Variants in SRRT observed in about 807,000 individuals in gnomAD.
The protein encoded by SRRT is serrate RNA effector molecule homolog.
Under a neutral mutation model 103.2 loss-of-function variants are expected in SRRT, and 32 were observed. The observed-to-expected ratio is 0.31, with a 90% CI of 0.23 to 0.42. SRRT has a LOEUF of 0.42. Ranked by LOEUF, SRRT falls within the 10% of genes least tolerant of loss-of-function variation. The pLI, the probability that SRRT is intolerant of heterozygous loss-of-function variation, is 1.00. For synonymous variants in SRRT, 525 were observed against 449.0 expected (o/e 1.17, Z -2.14); for missense variants, 986 against 1,207.5 (o/e 0.82, Z 2.72).
Position 100,887,683 on chromosome 7 carries a change from CCT to C in SRRT, c.2170-16_2170-15del, listed in dbSNP as rs1790277601. 2.5e-6 allele frequency: 4 copies of C among 1,600,176 alleles called. No homozygotes were observed. Among genetic ancestry groups the C allele is most frequent in the Non-Finnish European group, 3.4e-6 (4 of 1,168,758 alleles). ...CAACCCTTATGTGGCTGTCCTGACC[CCT>C]CTCCTCTCTCCACCCAGGGTCCTGA... On this transcript the variant is annotated intron_variant, in intron 16 of 19. Coordinates refer to ENST00000611405, the MANE Select transcript of SRRT (RefSeq NM_015908.6). The surrounding 1 kb of genome is among the most constrained non-coding windows in gnomAD (Gnocchi z 4.1).
intron 2 of SRRT, among the ~76,000 whole-genome samples, chr7:100,877,338 T>C (rs1815831389): frequency 1.4e-5 from 2 of 147,014 alleles, no homozygotes; most frequent in South Asian, 2.2e-4. Flanking sequence ...GGAGAATTGC[T>C]TGAACCCAGG....
chr7:100,886,480 C>T (rs374038522), intron 13 of SRRT, 45 bp downstream of exon 13: 8 of 1,557,204 alleles, frequency 5.1e-6, no homozygotes, highest in Non-Finnish European at 6.1e-6. Context: ...ACTGGTAGTG[C>T]CTCTGCTGTG....
Position 100,876,020 on chromosome 7 carries a change from G to C in SRRT, c.122+308G>C, listed in dbSNP as rs1274846967. 4 of 315,678 alleles carry C rather than the reference G, an allele frequency of 1.3e-5. No individual in the cohort carries two copies. The East Asian group carries it at 3.0e-4, about 24-fold the overall frequency. The allele number at this position is 315,678 out of a possible 1,614,324, so 19.6% of individuals were successfully genotyped here. A position where few individuals can be genotyped will look rare whatever the true frequency, so the allele number is the denominator to read the frequency against. On this transcript the variant is annotated intron_variant, in intron 2 of 19. Transcript: ENST00000611405. ...TGTTATTGAGATGGGGTCTTGTTCTGCTGCCCTGGCTGGAGTGCATTGATG... is the reference window on the plus strand; with the variant it reads ...TGTTATTGAGATGGGGTCTTGTTCTCCTGCCCTGGCTGGAGTGCATTGATG...
chr7:100,888,269 G>A lies in SRRT; in HGVS notation c.2441G>A (p.Arg814His), dbSNP rs1193069484. 2.5e-6 allele frequency: 4 copies of A among 1,609,158 alleles called. No individual in the cohort carries two copies. Among genetic ancestry groups the A allele is most frequent in the Non-Finnish European group, 3.4e-6 (4 of 1,176,244 alleles). Residue 814 changes from arginine to histidine, a missense_variant, in exon 19 of 20, where the codon CGC becomes CAC. Around this residue, in one of 6 missense-constraint regions of SRRT, gnomAD observed 178 missense variants for 189.6 expected, o/e 0.94. Coordinates refer to ENST00000611405, the MANE Select transcript of SRRT (RefSeq NM_015908.6). ...PILGYGAGAV[R>H]PAVPTGGPPY... ...ATCTCTGTCATAGCTGGTGCTGTCC[G>A]CCCTGCAGTCCCCACAGGAGGCCCT...
rs140220881 is a variant in SRRT, at chr7:100,875,659, C to T, written c.69C>T (p.Tyr23=). 2.5e-6 allele frequency: 4 copies of T among 1,614,016 alleles called. No homozygotes were observed. Among genetic ancestry groups the T allele is most frequent in the Non-Finnish European group, 3.4e-6 (4 of 1,179,994 alleles). Residue 23 remains tyrosine (Y), a synonymous_variant, in exon 2 of 20, where the codon TAC becomes TAT. Coordinates refer to ENST00000611405, the MANE Select transcript of SRRT (RefSeq NM_015908.6). ...AGTTCAGAAGAGAGCGCAGCGACTA[C>T]GACCGTTCCCGCGAGAGAGATGAAA... ...RDKFRRERSD[Y]DRSRERDERR...
In SRRT at chr7:100,885,532, T is replaced by C. The variant is rs1023891090; in HGVS notation, c.1317+162T>C. 55 of 1,071,554 alleles carry C rather than the reference T, an allele frequency of 5.1e-5. No individual in the cohort carries two copies. The Middle Eastern group carries it at 1.8e-3, about 35-fold the overall frequency. 66.4% of individuals were successfully genotyped at this position (1,071,554 alleles called of 1,614,324 possible). A position where few individuals can be genotyped will look rare whatever the true frequency, so the allele number is the denominator to read the frequency against. ...CGAGGACTAGTCCTGATAGCGCCATTGGCTTTCAGGTGCTGGTGTTCTGAA... is the reference window on the plus strand; with the variant it reads ...CGAGGACTAGTCCTGATAGCGCCATCGGCTTTCAGGTGCTGGTGTTCTGAA... On this transcript the variant is annotated intron_variant, in intron 10 of 19. Coordinates refer to ENST00000611405, the MANE Select transcript of SRRT (RefSeq NM_015908.6). The surrounding 1 kb of genome is among the most constrained non-coding windows in gnomAD (Gnocchi z 4.8).
rs562106835 is a variant in SRRT, at chr7:100,877,248, C to G, written c.122+1536C>G. On this transcript the variant is annotated intron_variant, in intron 2 of 19. Coordinates refer to ENST00000611405, the MANE Select transcript of SRRT (RefSeq NM_015908.6). ...CCATCCTGGCCAACATTGTGAAACC[C>G]TGTCTCTACTAAAAATACAAAAGTT... Among the ~76,000 whole-genome samples, 21 of 151,460 alleles carry G rather than the reference C, an allele frequency of 1.4e-4. No individual in the cohort carries two copies. In the East Asian group the frequency reaches 4.0e-3, roughly 29 times the overall value.
intron 1 of SRRT, 78 bp from the exon 2 acceptor site, chr7:100,875,495 G>T: frequency 6.3e-7 from 1 of 1,579,894 alleles, no homozygotes; most frequent in Non-Finnish European, 8.6e-7. Flanking sequence ...AGGGAAGCGG[G>T]CGAGCTGCCC....
rs1320294210 is a variant in SRRT at position 100,888,305 on chromosome 7, A to C, written c.2477A>C (p.His826Pro). The C allele has an allele frequency of 6.2e-7, 1 of 1,613,908 alleles. No individual in the cohort carries two copies. Among genetic ancestry groups the C allele is most frequent in the East Asian group, 2.2e-5 (1 of 44,874 alleles). ...CCCACAGGAGGCCCTCCATACCCCCATGCCCCGTATGGTGCTGGTCGAGGG... is the reference window on the plus strand; with the variant it reads ...CCCACAGGAGGCCCTCCATACCCCCCTGCCCCGTATGGTGCTGGTCGAGGG... ...AVPTGGPPYP[H>P]APYGAGRGNY... Residue 826 changes from histidine (H) to proline (P), a missense_variant, in exon 19 of 20, where the codon CAT becomes CCT. His to Pro is a moderately conservative substitution (Grantham distance 77, BLOSUM62 -2). Around this residue, in one of 6 missense-constraint regions of SRRT, gnomAD observed 178 missense variants for 189.6 expected, o/e 0.94. Transcript: ENST00000611405.
At position 100,886,975 on chromosome 7, in the gene SRRT, G is replaced by C. The variant is rs1790185645; in HGVS notation, c.1821+7G>C. On this transcript the variant is annotated splice_region_variant and intron_variant, in intron 14 of 19. Transcript: ENST00000611405. ...GGATGAGAAGTTGATTAAGGTGCCA[G>C]TGGCAGCGCGGGGCACGTGGGGGCT... 6.2e-7 allele frequency: 1 copy of C among 1,609,744 alleles called. No homozygotes were observed.
intron 1 of SRRT, 58 bp from the exon 2 acceptor site, chr7:100,875,515 G>A: frequency 6.3e-7 from 1 of 1,595,660 alleles, no homozygotes; most frequent in Non-Finnish European, 8.6e-7. Flanking sequence ...CGCGAGGGAC[G>A]GTCCCTTCCT....
chr7:100,876,046 C>T (rs1372609633), intron 2 of SRRT: 2 of 252,656 alleles, frequency 7.9e-6, no homozygotes, highest in African/African-American at 2.2e-5. Context: ...TGCATTGATG[C>T]AGTCGTAGCA....
intron 2 of SRRT, among the ~76,000 whole-genome samples, chr7:100,880,080 C>A (rs1481987038): frequency 1.3e-5 from 2 of 152,202 alleles, no homozygotes; most frequent in Admixed American, 6.5e-5. Context: ...AGGAGCCACA[C>A]TGGCCAAGGA....
chr7:100,881,598 C>T, intron 3 of SRRT, 61 bp from the exon 4 acceptor site: 1 of 1,607,680 alleles, frequency 6.2e-7, no homozygotes, highest in South Asian at 1.1e-5. Context: ...GTCTGTCCAT[C>T]CTCCATGCTC....
Position 100,884,500 on chromosome 7 carries a change from A to G in SRRT, c.890A>G (p.Asp297Gly), listed in dbSNP as rs1174066354. 1.2e-6 allele frequency: 2 copies of G among 1,600,808 alleles called. No individual in the cohort carries two copies. The highest frequency in any genetic ancestry group is 3.4e-5 in the Admixed American group (2 of 59,394). ...EEGRAGAGLGDGERKTNDKDE... is the reference protein window; with the variant it reads ...EEGRAGAGLGGGERKTNDKDE... ...GGACGGGCTGGAGCAGGCCTAGGGG[A>G]CGGGGAGCGCAAAACCAACGACAAG... Residue 297 changes from aspartate to glycine, a missense_variant, in exon 7 of 20, where the codon GAC becomes GGC. This residue lies in a region of SRRT where 166 missense variants were observed against 148.6 expected (regional missense o/e 1.12). Coordinates refer to ENST00000611405, the MANE Select transcript of SRRT (RefSeq NM_015908.6).
rs768467767 is a variant in SRRT at position 100,884,435 on chromosome 7, G to A, written c.825G>A (p.Glu275=). 9 of 1,613,506 alleles carry A rather than the reference G, an allele frequency of 5.6e-6. No homozygotes were observed. In the African/African-American group the frequency reaches 6.7e-5, roughly 12 times the overall value. ...LRILEQEEEE[E]QAGKPGEPSK... is the part of the protein sequence containing the mutation. Reference sequence around the variant, plus strand: ...TCCTGGAGCAGGAGGAGGAGGAGGAGCAGGCAGGAAAGCCTGGGGAGCCCA... The same window carrying A: ...TCCTGGAGCAGGAGGAGGAGGAGGAACAGGCAGGAAAGCCTGGGGAGCCCA... The change falls in exon 7 of 20, where the codon GAG becomes GAA. Residue 275 remains glutamate (E), a synonymous_variant. Coordinates refer to ENST00000611405, the MANE Select transcript of SRRT (RefSeq NM_015908.6).
chr7:100,877,874 T>C (rs180935869), intron 2 of SRRT, among the ~76,000 whole-genome samples: 449 of 152,342 alleles, frequency 2.9e-3, no homozygotes, highest in African/African-American at 0.01. Flanking sequence ...CCATGGGATG[T>C]TATTTTTACT....
chr7:100,884,037 GT>G (rs11310439), intron 5 of SRRT, 32 bp from the exon 6 acceptor site: 738,441 of 1,549,604 alleles, frequency 0.48, 184,049 homozygotes, highest in East Asian at 0.82. Flanking sequence ...TCCAATAACT[GT>G]TTTGTCTTTC....
chr7:100,888,283 A>C lies in SRRT; in HGVS notation c.2455A>C (p.Thr819Pro). The change falls in exon 19 of 20, where the codon ACA becomes CCA. Residue 819 changes from threonine (T) to proline (P), a missense_variant. By Grantham distance (38) the Thr-to-Pro change is conservative. Transcript: ENST00000611405. Reference sequence around the variant, plus strand: ...TGGTGCTGTCCGCCCTGCAGTCCCCACAGGAGGCCCTCCATACCCCCATGC... The same window carrying C: ...TGGTGCTGTCCGCCCTGCAGTCCCCCCAGGAGGCCCTCCATACCCCCATGC... ...GAGAVRPAVP[T>P]GGPPYPHAPY... is the part of the protein sequence containing the mutation. The C allele has an allele frequency of 1.2e-6, 2 of 1,612,362 alleles. No individual in the cohort carries two copies. The highest frequency in any genetic ancestry group is 8.5e-7 in the Non-Finnish European group (1 of 1,178,624).
Sources: allele counts gnomAD v4.1 joint callset (sites outside exome capture counted in the v4.1 genomes callset), GRCh38; gene constraint gnomAD v4.1.1; regional missense constraint gnomAD v4.1.1; non-coding constraint Gnocchi (gnomAD v3.1); transcripts MANE v1.5; gene names NCBI Gene and HGNC (gene_info 2026-07-23, HGNC 2026-07-21).